APP: variants seen among roughly 807,000 people sequenced by gnomAD.
APP encodes the protein amyloid-beta precursor protein.
A neutral mutation model predicts 101.4 loss-of-function variants in APP; 31 were observed. The ratio of observed to expected loss-of-function variants is 0.31; its 90% CI spans 0.23 to 0.41. APP has a LOEUF of 0.41. Ranked by LOEUF, APP falls within the 10% of genes least tolerant of loss-of-function variation. The pLI is 1.00. For missense variants in APP, 839 were observed against 1,003.7 expected (o/e 0.84, Z 2.22); for synonymous variants, 366 against 364.4 (o/e 1.00, Z -0.05).
chr21:26,162,669 T>G (rs1451490156), intron 1 of APP, among the ~76,000 whole-genome samples: 2 of 151,696 alleles, frequency 1.3e-5, no homozygotes, highest in Non-Finnish European at 2.9e-5. Context: ...GTTTGAAATT[T>G]AGCAAAGCAG....
intron 6 of APP, among the ~76,000 whole-genome samples, chr21:26,014,015 C>T (rs2043938311): frequency 0.023 from 1 of 44 alleles, no homozygotes; most frequent in African/African-American, 0.17. Flanking sequence ...AAGCATGCTA[C>T]AACCCGGGCG....
At chr21:25,954,750 CTT>C in intron 12 of APP, 61 bp from the exon 13 acceptor site, 1 of 1,434,108 alleles carries the variant, frequency 7.0e-7, no homozygotes, top group Non-Finnish European at 9.7e-7. Context: ...GGTTCTTTTT[CTT>C]TCTTTTTTTC....
chr21:25,910,209 C>G (rs2409154), intron 14 of APP, among the ~76,000 whole-genome samples: 152,239 of 152,240 alleles, frequency 1, 76,119 homozygotes, highest in Middle Eastern at 1. Flanking sequence ...TCACTGGCCA[C>G]GTCCGCCTCC....
chr21:25,912,592 A>G (rs549900739), intron 13 of APP, among the ~76,000 whole-genome samples: 75 of 152,122 alleles, frequency 4.9e-4, no homozygotes, highest in Non-Finnish European at 5.4e-4. Flanking sequence ...TTCCAGATGT[A>G]GCCCTGCAGA....
chr21:26,102,374 C>T (rs920402932), intron 2 of APP, among the ~76,000 whole-genome samples: 1 of 152,040 alleles, frequency 6.6e-6, no homozygotes, highest in Non-Finnish European at 1.5e-5. Flanking sequence ...CAGGCGTGAG[C>T]CACTGCGCCC....
intron 9 of APP, among the ~76,000 whole-genome samples, chr21:25,978,284 A>G (rs2146584833): frequency 6.6e-6 from 1 of 152,328 alleles, no homozygotes; most frequent in South Asian, 2.1e-4. Context: ...TACACACTAT[A>G]TGTAGGCTGA....
chr21:26,128,820 T>C (rs1389025676), intron 1 of APP, among the ~76,000 whole-genome samples: 1 of 152,200 alleles, frequency 6.6e-6, no homozygotes, highest in Non-Finnish European at 1.5e-5. Flanking sequence ...GTGACACATT[T>C]AACATGCTTG....
At chr21:25,912,070 T>A in intron 13 of APP, 108 bp from the exon 14 acceptor site, 1 of 833,396 alleles carries the variant, frequency 1.2e-6, no homozygotes. Context: ...TGCTTTCACG[T>A]GCATGATCGC....
chr21:26,022,768 G>C (rs1282391711), intron 5 of APP, among the ~76,000 whole-genome samples: 1 of 152,234 alleles, frequency 6.6e-6, no homozygotes, highest in Non-Finnish European at 1.5e-5. Flanking sequence ...TTGCACGGTA[G>C]CGGATACTCA....
At chr21:25,966,645 G>A (rs1273686407) in intron 11 of APP, among the ~76,000 whole-genome samples, 3 of 152,040 alleles carry the variant, frequency 2.0e-5, no homozygotes, top group Non-Finnish European at 4.4e-5. Context: ...TATTTGCTTT[G>A]GAGATATATG....
At chr21:26,034,879 G>C (rs536140881) in intron 5 of APP, among the ~76,000 whole-genome samples, 55 of 152,154 alleles carry the variant, frequency 3.6e-4, no homozygotes, top group African/African-American at 1.3e-3. Flanking sequence ...ACATTCTATG[G>C]GGGGAGAGAA....
intron 3 of APP, among the ~76,000 whole-genome samples, chr21:26,062,551 A>G (rs1384980351): frequency 1.3e-5 from 2 of 150,936 alleles, no homozygotes; most frequent in African/African-American, 2.4e-5. Context: ...AATCTTAGCT[A>G]CTCGGGAGGC....
chr21:26,094,134 T>A (rs1017942354), intron 2 of APP, among the ~76,000 whole-genome samples: 38 of 149,594 alleles, frequency 2.5e-4, no homozygotes, highest in Non-Finnish European at 2.4e-4. Context: ...AAAAAAAAAA[T>A]TTGAACCACA....
intron 2 of APP, among the ~76,000 whole-genome samples, chr21:26,101,274 T>C (rs1183058701): frequency 6.6e-6 from 1 of 151,934 alleles, no homozygotes; most frequent in African/African-American, 2.4e-5. Context: ...AATTTTTGTA[T>C]TTTTAGTAGA....
At chr21:26,148,092 T>C (rs927441842) in intron 1 of APP, among the ~76,000 whole-genome samples, 2 of 152,146 alleles carry the variant, frequency 1.3e-5, no homozygotes, top group African/African-American at 2.4e-5. Flanking sequence ...ATATTGATTC[T>C]CCCTGAGGCA....
chr21:26,007,525 A>G (rs1253833268), intron 6 of APP, among the ~76,000 whole-genome samples: 1 of 149,730 alleles, frequency 6.7e-6, no homozygotes, highest in Non-Finnish European at 1.5e-5. Flanking sequence ...AAATGTTTAC[A>G]TAATACATAT....
rs59997187 is a variant in APP at position 25,990,434 on chromosome 21, G to A, written c.1090+6926C>T. On this transcript the variant is annotated intron_variant, in intron 8 of 17. Coordinates refer to ENST00000346798, the MANE Select transcript of APP (RefSeq NM_000484.4). ...TCAAGTTTGAATCTAAAAAATATAT[G>A]TGAAGCAATAGCAATAACTGGCGTC... Among the ~76,000 whole-genome samples, 115 of 127,732 alleles carry A rather than the reference G, an allele frequency of 9.0e-4. 2 individuals are homozygous for A. In the East Asian group the frequency reaches 0.023, roughly 26 times the overall value. 83.8% of individuals were successfully genotyped at this position (127,732 alleles called of 152,430 possible). A position where few individuals can be genotyped will look rare whatever the true frequency, so the allele number is the denominator to read the frequency against.
chr21:26,071,389 G>C (rs1261570224), intron 3 of APP, among the ~76,000 whole-genome samples: 1 of 152,128 alleles, frequency 6.6e-6, no homozygotes, highest in African/African-American at 2.4e-5. Context: ...TGAAGAGCAA[G>C]CATTCCAAGC....
intron 1 of APP, among the ~76,000 whole-genome samples, chr21:26,114,854 A>G (rs1414241918): frequency 6.6e-6 from 1 of 152,156 alleles, no homozygotes; most frequent in African/African-American, 2.4e-5. Flanking sequence ...CATTTTTTTC[A>G]AATAAATTTA....
Sources: gnomAD v4.1 joint callset for allele counts (sites outside exome capture counted in the v4.1 genomes callset) on GRCh38, gnomAD v4.1.1 for gene constraint, MANE v1.5 for transcripts, NCBI Gene and HGNC (gene_info 2026-07-23, HGNC 2026-07-21) for gene names.